Variants in AAK1 observed in about 807,000 individuals in gnomAD.
AAK1 encodes AP2 associated kinase 1, also known as AP2-associated protein kinase 1.
Under a neutral mutation model 116.0 loss-of-function variants are expected in AAK1, and 37 were observed. That is an observed-to-expected ratio of 0.32 (90% CI 0.25 to 0.42). The LOEUF (loss-of-function observed/expected upper bound fraction) is 0.42. AAK1 is among the 10% of genes least tolerant of loss of function. AAK1 has a pLI of 1.00. For missense variants in AAK1, 919 were observed against 1,170.6 expected (o/e 0.79, Z 3.14); for synonymous variants, 458 against 439.9 (o/e 1.04, Z -0.51).
chr2:69,607,776 T>C (rs1476669575), intron 2 of AAK1, among the ~76,000 whole-genome samples: 1 of 152,186 alleles, frequency 6.6e-6, no homozygotes, highest in Non-Finnish European at 1.5e-5. Context: ...ATCCAGGGTG[T>C]GGGCAGACTA....
chr2:69,474,785 G>A lies in AAK1; in HGVS notation c.*1084C>T. On this transcript the variant is annotated 3_prime_UTR_variant, in exon 22 of 22. Transcript: ENST00000409085. Reference sequence around the variant, plus strand: ...CCATATGTTACACTGTAGGATTGTTGTGTAGTTATACAAGGGAAAGAAATC... The same window carrying A: ...CCATATGTTACACTGTAGGATTGTTATGTAGTTATACAAGGGAAAGAAATC... The A allele has an allele frequency of 1.0e-6, 1 of 985,772 alleles. No homozygotes were observed. The highest frequency in any genetic ancestry group is 1.2e-6 in the Non-Finnish European group (1 of 829,910). The allele number at this position is 985,772 out of a possible 1,614,324, so 61.1% of individuals were successfully genotyped here. A position where few individuals can be genotyped will look rare whatever the true frequency, so the allele number is the denominator to read the frequency against.
chr2:69,627,180 T>C (rs1472216419), intron 2 of AAK1, among the ~76,000 whole-genome samples: 1 of 151,142 alleles, frequency 6.6e-6, no homozygotes, highest in Non-Finnish European at 1.5e-5. Flanking sequence ...TCCCAGCTAC[T>C]AGGAAGGCTG....
chr2:69,484,436 C>T (rs774779454), intron 17 of AAK1, among the ~76,000 whole-genome samples: 5 of 152,174 alleles, frequency 3.3e-5, no homozygotes, highest in African/African-American at 4.8e-5. Flanking sequence ...CTACGGAATG[C>T]AGATAACTTT....
chr2:69,641,519 A>G (rs1031142072), intron 2 of AAK1, among the ~76,000 whole-genome samples: 1 of 152,206 alleles, frequency 6.6e-6, no homozygotes, highest in African/African-American at 2.4e-5. Context: ...TTGGAAGAGC[A>G]ATAATTTCAC....
At position 69,465,617 on chromosome 2, in the gene AAK1, G is replaced by A; in HGVS notation, c.*10252C>T. ...GACTTGGCTCGTCTTCTGGGCTATAGTGACGGGAATACTTGGATAAGGACT... is the reference window on the plus strand; with the variant it reads ...GACTTGGCTCGTCTTCTGGGCTATAATGACGGGAATACTTGGATAAGGACT... On this transcript the variant is annotated 3_prime_UTR_variant, in exon 22 of 22. Transcript: ENST00000409085. 1.5e-6 allele frequency: 2 copies of A among 1,290,984 alleles called. No homozygotes were observed. Among genetic ancestry groups the A allele is most frequent in the Non-Finnish European group, 1.0e-6 (1 of 988,888 alleles). 80.0% of individuals were successfully genotyped at this position (1,290,984 alleles called of 1,614,324 possible).
intron 2 of AAK1, among the ~76,000 whole-genome samples, chr2:69,620,526 C>T (rs937711968): frequency 1.3e-5 from 2 of 152,182 alleles, no homozygotes; most frequent in Admixed American, 6.5e-5. Context: ...TCTATAATTC[C>T]GTTTCCATCA....
intron 2 of AAK1, among the ~76,000 whole-genome samples, chr2:69,623,338 C>T (rs1674750237): frequency 6.6e-6 from 1 of 152,178 alleles, no homozygotes; most frequent in Non-Finnish European, 1.5e-5. Flanking sequence ...ATTACGACTG[C>T]CAAAATATTC....
intron 5 of AAK1, among the ~76,000 whole-genome samples, chr2:69,539,308 T>C (rs1243710565): frequency 6.6e-6 from 1 of 151,950 alleles, no homozygotes; most frequent in Non-Finnish European, 1.5e-5. Flanking sequence ...CTGCCTATGC[T>C]CACCTCTCAC....
At position 69,633,218 on chromosome 2, in the gene AAK1, C is replaced by CAAAAA. The variant is rs199667063; in HGVS notation, c.163+9655_163+9659dup. Among the ~76,000 whole-genome samples the CAAAAA allele has an allele frequency of 8.5e-5, 9 of 106,050 alleles. No individual in the cohort carries two copies. In the East Asian group the frequency reaches 1.7e-3, roughly 20 times the overall value. 69.6% of individuals were successfully genotyped at this position (106,050 alleles called of 152,430 possible). On this transcript the variant is annotated intron_variant, in intron 2 of 21. Transcript: ENST00000409085. Reference sequence around the variant, plus strand: ...TGGGCAACAGAGTGAGACTCTGTTTCAAAAAAAAAAAAAGGCCCCAAGAAA... The same window carrying CAAAAA: ...TGGGCAACAGAGTGAGACTCTGTTTCAAAAAAAAAAAAAAAAAAGGCCCCAAGAAA...
At chr2:69,550,958 G>A (rs1466157279) in intron 3 of AAK1, among the ~76,000 whole-genome samples, 1 of 151,988 alleles carries the variant, frequency 6.6e-6, no homozygotes, top group East Asian at 1.9e-4. Flanking sequence ...CATTCAAATA[G>A]TTCATAATAC....
chr2:69,509,113 C>A, intron 14 of AAK1, 118 bp downstream of exon 14: 1 of 791,652 alleles, frequency 1.3e-6, no homozygotes, highest in Non-Finnish European at 2.0e-6. Flanking sequence ...AACACAAGTA[C>A]ACACCACTGT....
intron 9 of AAK1, 71 bp downstream of exon 9, chr2:69,527,145 A>AT: frequency 6.2e-6 from 7 of 1,123,440 alleles, no homozygotes; most frequent in Non-Finnish European, 9.2e-6. Flanking sequence ...TAAACAGCTG[A>AT]TTAACACCCC....
chr2:69,540,043 T>A (rs1670639242), intron 5 of AAK1, among the ~76,000 whole-genome samples: 2 of 151,712 alleles, frequency 1.3e-5, no homozygotes, highest in African/African-American at 4.9e-5. Flanking sequence ...ATTTGTCCCA[T>A]CCCCACAGAA....
In AAK1 at chr2:69,460,395, A is replaced by G. The variant is rs1446125299; in HGVS notation, c.*15474T>C. 6.6e-6 allele frequency: 1 copy of G among 152,646 alleles called. No homozygotes were observed. The highest frequency in any genetic ancestry group is 1.5e-5 in the Non-Finnish European group (1 of 68,034). The allele number at this position is 152,646 out of a possible 1,614,324, so 9.5% of individuals were successfully genotyped here. A position where few individuals can be genotyped will look rare whatever the true frequency, so the allele number is the denominator to read the frequency against. On this transcript the variant is annotated 3_prime_UTR_variant, in exon 22 of 22. Coordinates refer to ENST00000409085, the MANE Select transcript of AAK1 (RefSeq NM_014911.5). ...TTTTTCTTTATGGAAGCAAATACAG[A>G]ATTTCCTTGTCAGATCACTCTGATG...
chr2:69,617,389 T>C (rs73934517), intron 2 of AAK1, among the ~76,000 whole-genome samples: 13,138 of 152,134 alleles, frequency 0.086, 1,600 homozygotes, highest in African/African-American at 0.27. Context: ...AGCTGTGTAG[T>C]TTCGGACAGG....
Position 69,594,835 on chromosome 2 carries a change from T to C in AAK1, c.164-37857A>G, listed in dbSNP as rs191249201. 4.1e-5 allele frequency: 63 copies of C among 1,549,008 alleles called. No individual in the cohort carries two copies. The African/African-American group carries it at 6.8e-4, about 17-fold the overall frequency. On this transcript the variant is annotated intron_variant, in intron 2 of 21. Transcript: ENST00000409085. ...AGCCAGCATTCTCTTAGACCTGCAG[T>C]TGGGCTCAACGCACTCAAGCCTTAG...
At position 69,586,508 on chromosome 2, in the gene AAK1, C is replaced by T. The variant is rs373778791; in HGVS notation, c.164-29530G>A. Among the ~76,000 whole-genome samples the T allele has an allele frequency of 5.2e-4, 79 of 152,298 alleles. 7 individuals are homozygous for T. The highest frequency in any genetic ancestry group is 2.7e-3 in the East Asian group (14 of 5,192). On this transcript the variant is annotated intron_variant, in intron 2 of 21. Transcript: ENST00000409085. ...CAGGAAACCTGGGTTCCAATTGTGG[C>T]TCTGCATTAACCAGCTATGTGATCT...
chr2:69,539,176 A>T (rs6707912), intron 5 of AAK1, among the ~76,000 whole-genome samples: 59,934 of 151,654 alleles, frequency 0.4, 12,830 homozygotes, highest in East Asian at 0.75. Context: ...GGAAAGGAGG[A>T]GCTGGGGAGA....
intron 2 of AAK1, among the ~76,000 whole-genome samples, chr2:69,615,385 A>G (rs1354362207): frequency 1.3e-5 from 2 of 152,200 alleles, no homozygotes; most frequent in African/African-American, 4.8e-5. Flanking sequence ...ACCCAGTACC[A>G]TTTAACCAAA....
Sources: gnomAD v4.1 joint callset for allele counts (sites outside exome capture counted in the v4.1 genomes callset) on GRCh38, gnomAD v4.1.1 for gene constraint, MANE v1.5 for transcripts, NCBI Gene and HGNC (gene_info 2026-07-23, HGNC 2026-07-21) for gene names.